SMYD3: variants seen among roughly 807,000 people sequenced by gnomAD.
SMYD3 encodes SET and MYND domain containing 3, also known as histone-lysine N-methyltransferase SMYD3.
SMYD3 carries 36 observed loss-of-function variants against 57.7 expected under a neutral mutation model. The ratio of observed to expected loss-of-function variants is 0.62; its 90% CI spans 0.48 to 0.82. SMYD3 has a LOEUF of 0.82. SMYD3 is among the 40% of genes least tolerant of loss of function. The probability of loss-of-function intolerance (pLI) is 0.00; values close to 1 mark genes in which losing one functional copy is unlikely to be tolerated. For synonymous variants in SMYD3, 211 were observed against 195.0 expected (o/e 1.08, Z -0.68); for missense variants, 515 against 538.8 (o/e 0.96, Z 0.44).
chr1:245,912,645 T>C lies in SMYD3; in HGVS notation c.813+2885A>G, dbSNP rs561267293. Reference sequence around the variant, plus strand: ...ACTAACAAAAAAAACATGGAATTGGTATAAAAACAGACATATAGACCAATG... The same window carrying C: ...ACTAACAAAAAAAACATGGAATTGGCATAAAAACAGACATATAGACCAATG... On this transcript the variant is annotated intron_variant, in intron 8 of 11. Transcript: ENST00000490107. Among the ~76,000 whole-genome samples, 11 of 152,114 alleles carry C rather than the reference T, an allele frequency of 7.2e-5. No homozygotes were observed. The South Asian group carries it at 2.1e-3, about 29-fold the overall frequency.
At position 245,840,000 on chromosome 1, in the gene SMYD3, T is replaced by C. The variant is rs1052647463; in HGVS notation, c.1076+18496A>G. ...GTTTCCTAAGAGATAAAATTTTGAT[T>C]AAATGTCTGCACAATGAAGTCAGGG... is the stretch of plus-strand genomic sequence containing the variant. On this transcript the variant is annotated intron_variant, in intron 10 of 11. Coordinates refer to ENST00000490107, the MANE Select transcript of SMYD3 (RefSeq NM_001167740.2). Among the ~76,000 whole-genome samples the C allele has an allele frequency of 2.6e-5, 4 of 152,126 alleles. No homozygotes were observed. In the East Asian group the frequency reaches 7.7e-4, roughly 29 times the overall value.
chr1:246,205,043 C>T (rs902201307), intron 5 of SMYD3, among the ~76,000 whole-genome samples: 6 of 151,826 alleles, frequency 4.0e-5, no homozygotes, highest in Admixed American at 1.3e-4. Context: ...GAACCCACTC[C>T]GAACTACACT....
chr1:245,816,600 T>A (rs936859252), intron 10 of SMYD3, among the ~76,000 whole-genome samples: 2 of 147,784 alleles, frequency 1.4e-5, no homozygotes, highest in African/African-American at 5.0e-5. Context: ...GTGAGTGACA[T>A]AGAAGACGGT....
At chr1:246,476,032 G>C (rs1218771361) in intron 1 of SMYD3, among the ~76,000 whole-genome samples, 2 of 152,162 alleles carry the variant, frequency 1.3e-5, no homozygotes, top group Non-Finnish European at 2.9e-5. Context: ...AGTTCAGAAA[G>C]ATAATGACAG....
chr1:246,273,718 G>A (rs141951305), intron 5 of SMYD3, among the ~76,000 whole-genome samples: 63 of 151,186 alleles, frequency 4.2e-4, no homozygotes, highest in African/African-American at 1.4e-3. Context: ...CTGAGTAGCT[G>A]GAATTACTGG....
rs77127414 is a variant in SMYD3 at position 246,464,879 on chromosome 1, G to A, written c.164+42175C>T. On this transcript the variant is annotated intron_variant, in intron 1 of 11. Transcript: ENST00000490107. ...TGTTCTCTGTGTTAAAGCAAAGAAAGAAGAGGGTTTTGTCATATAATCTGA... is the reference window on the plus strand; with the variant it reads ...TGTTCTCTGTGTTAAAGCAAAGAAAAAAGAGGGTTTTGTCATATAATCTGA... Among the ~76,000 whole-genome samples the A allele has an allele frequency of 9.5e-3, 1,441 of 152,308 alleles. 32 individuals carry two copies. The highest frequency in any genetic ancestry group is 0.033 in the African/African-American group (1,352 of 41,580).
At chr1:245,788,017 T>A (rs1337217025) in intron 10 of SMYD3, among the ~76,000 whole-genome samples, 1 of 152,070 alleles carries the variant, frequency 6.6e-6, no homozygotes, top group Non-Finnish European at 1.5e-5. Flanking sequence ...CCTGACCAGA[T>A]TAGCACAGGG....
chr1:246,362,404 T>C (rs1226911869), intron 1 of SMYD3, among the ~76,000 whole-genome samples: 2 of 151,756 alleles, frequency 1.3e-5, no homozygotes, highest in Non-Finnish European at 2.9e-5. Context: ...ACCTGAATTA[T>C]AGCTCTCCCT....
intron 5 of SMYD3, among the ~76,000 whole-genome samples, chr1:246,123,347 C>T (rs1395612290): frequency 2.6e-5 from 4 of 152,146 alleles, no homozygotes. Context: ...GTGGGCAGAT[C>T]ATGAGGCCAA....
chr1:246,237,546 A>C (rs1032105183), intron 5 of SMYD3, among the ~76,000 whole-genome samples: 10 of 138,598 alleles, frequency 7.2e-5, no homozygotes, highest in Non-Finnish European at 1.4e-4. Flanking sequence ...CTTCCTGGTT[A>C]ATCTCAGTAA....
At chr1:246,503,470 C>T (rs73136142) in intron 1 of SMYD3, among the ~76,000 whole-genome samples, 2,052 of 152,030 alleles carry the variant, frequency 0.013, 44 homozygotes, top group African/African-American at 0.047. Flanking sequence ...TGTGGTAGGC[C>T]CTGGGGATAT....
chr1:246,116,623 T>C (rs1042418639), intron 5 of SMYD3, among the ~76,000 whole-genome samples: 24 of 152,216 alleles, frequency 1.6e-4, no homozygotes, highest in Admixed American at 1.5e-3. Context: ...CCCTCAGCTA[T>C]GCTATCTTAC....
chr1:245,809,713 G>A (rs1364286548), intron 10 of SMYD3, among the ~76,000 whole-genome samples: 2 of 152,200 alleles, frequency 1.3e-5, no homozygotes, highest in African/African-American at 4.8e-5. Context: ...GGACAAAAAG[G>A]GGACAATGAA....
At chr1:245,771,139 T>TATACATAC (rs140025152) in intron 10 of SMYD3, among the ~76,000 whole-genome samples, 16 of 151,770 alleles carry the variant, frequency 1.1e-4, no homozygotes, top group South Asian at 4.2e-4. Flanking sequence ...TACATGTATA[T>TATACATAC]ATACATACAT....
chr1:245,817,279 A>G (rs1179246963), intron 10 of SMYD3, among the ~76,000 whole-genome samples: 6 of 142,780 alleles, frequency 4.2e-5, no homozygotes, highest in East Asian at 2.1e-4. Context: ...ACCCCCCAGC[A>G]GGGGCACACT....
intron 1 of SMYD3, among the ~76,000 whole-genome samples, chr1:246,496,472 A>G (rs913454188): frequency 6.6e-6 from 1 of 152,188 alleles, no homozygotes; most frequent in Admixed American, 6.5e-5. Context: ...TGCAAATGCT[A>G]TAAGAACAAC....
At chr1:246,373,412 C>A (rs906658602) in intron 1 of SMYD3, among the ~76,000 whole-genome samples, 1 of 152,042 alleles carries the variant, frequency 6.6e-6, no homozygotes, top group Admixed American at 6.5e-5. Context: ...ATACTTTATT[C>A]AAACATAATT....
At chr1:246,098,268 G>C (rs1040070470) in intron 5 of SMYD3, among the ~76,000 whole-genome samples, 1 of 152,158 alleles carries the variant, frequency 6.6e-6, no homozygotes, top group Non-Finnish European at 1.5e-5. Flanking sequence ...CATGTCAATA[G>C]TTTATTTCAA....
intron 5 of SMYD3, among the ~76,000 whole-genome samples, chr1:246,267,974 C>T (rs765679419): frequency 1.3e-5 from 2 of 152,178 alleles, no homozygotes; most frequent in Non-Finnish European, 2.9e-5. Flanking sequence ...CACACATTCA[C>T]CATTCCCAGG....
Sources: gnomAD v4.1 joint callset for allele counts (sites outside exome capture counted in the v4.1 genomes callset) on GRCh38, gnomAD v4.1.1 for gene constraint, MANE v1.5 for transcripts, NCBI Gene and HGNC (gene_info 2026-07-23, HGNC 2026-07-21) for gene names.